Variants in ARHGEF10 observed in about 807,000 individuals in gnomAD.
The protein encoded by ARHGEF10 is Rho guanine nucleotide exchange factor (GEF) 10.
A neutral mutation model predicts 147.4 loss-of-function variants in ARHGEF10; 140 were observed. The ratio of observed to expected loss-of-function variants is 0.95; its 90% CI spans 0.83 to 1.09. The LOEUF is 1.09. Among genes scored for constraint, ARHGEF10 ranks in the 50% least tolerant of loss-of-function variants. The probability of loss-of-function intolerance (pLI) is 0.00; values close to 1 mark genes in which losing one functional copy is unlikely to be tolerated. For missense variants in ARHGEF10, 2,222 were observed against 1,752.7 expected, an observed-to-expected ratio of 1.27 and a Z score of -4.78; for synonymous variants, 902 against 695.8, an observed-to-expected ratio of 1.30 and a Z score of -4.67.
intron 1 of ARHGEF10, among the ~76,000 whole-genome samples, chr8:1,833,508 C>T (rs1176949533): frequency 2.6e-5 from 4 of 152,166 alleles, no homozygotes; most frequent in African/African-American, 9.7e-5. Flanking sequence ...CCTTCAGCCG[C>T]TGCCACTGCA....
At chr8:1,862,533 G>C (rs1275383512) in intron 4 of ARHGEF10, among the ~76,000 whole-genome samples, 3 of 152,252 alleles carry the variant, frequency 2.0e-5, no homozygotes, top group Non-Finnish European at 2.9e-5. Context: ...GACAGACTCA[G>C]TTTGCACCTT....
intron 17 of ARHGEF10, among the ~76,000 whole-genome samples, chr8:1,906,790 T>C (rs1372193680): frequency 6.6e-6 from 1 of 152,212 alleles, no homozygotes; most frequent in Non-Finnish European, 1.5e-5. Flanking sequence ...GCGAGAACGT[T>C]CATTAAGCTG....
chr8:1,922,709 G>A (rs1812390405), intron 18 of ARHGEF10, among the ~76,000 whole-genome samples: 1 of 152,176 alleles, frequency 6.6e-6, no homozygotes, highest in Non-Finnish European at 1.5e-5. Flanking sequence ...TGCGTCAGAT[G>A]TTATCCTCTG....
intron 2 of ARHGEF10, among the ~76,000 whole-genome samples, chr8:1,848,199 A>G (rs55822737): frequency 0.13 from 20,430 of 152,260 alleles, 1,680 homozygotes; most frequent in African/African-American, 0.23. Context: ...TCTCTTCAGT[A>G]TCTCTGTAAA....
chr8:1,945,919 G>GCTGGGAGGAGCCGCGTGCTGGGAGGA, intron 27 of ARHGEF10: 1 of 615,822 alleles, frequency 1.6e-6, no homozygotes, highest in Non-Finnish European at 2.9e-6. Flanking sequence ...GGAGCCGCGT[G>GCTGGGAGGAGCCGCGTGCTGGGAGGA]GCAGTGCCAT....
intron 15 of ARHGEF10, among the ~76,000 whole-genome samples, chr8:1,902,110 G>A (rs552486313): frequency 2.8e-4 from 43 of 152,058 alleles, no homozygotes; most frequent in Non-Finnish European, 4.7e-4. Flanking sequence ...TTTAAGCCCC[G>A]CGTGCATTAG....
At chr8:1,839,191 A>G (rs987432578) in intron 1 of ARHGEF10, among the ~76,000 whole-genome samples, 647 of 55,132 alleles carry the variant, frequency 0.012, no homozygotes, top group Middle Eastern at 0.021. Flanking sequence ...GGACTGTCTG[A>G]TGTGGGGACT....
intron 27 of ARHGEF10, chr8:1,945,873 A>AAGGAGCCGCGTGCTGGC: frequency 1.6e-6 from 1 of 612,272 alleles, no homozygotes; most frequent in Non-Finnish European, 2.8e-6. Context: ...ACAGGTCCTG[A>AAGGAGCCGCGTGCTGGC]AGGAGCCGCG....
At chr8:1,823,422 G>A (rs567029860), upstream of ARHGEF10, among the ~76,000 whole-genome samples, 152 of 151,102 alleles carry the variant, frequency 1.0e-3, no homozygotes, top group Admixed American at 4.2e-3. Flanking sequence ...GGCGCACCCC[G>A]GGTGTCCGCA....
intron 18 of ARHGEF10, among the ~76,000 whole-genome samples, chr8:1,916,461 G>C (rs946109888): frequency 6.6e-6 from 1 of 152,170 alleles, no homozygotes; most frequent in African/African-American, 2.4e-5. Context: ...TAAAATGCTT[G>C]GGTTTTGTTA....
chr8:1,906,759 C>T (rs576607305), intron 17 of ARHGEF10, among the ~76,000 whole-genome samples: 3 of 152,258 alleles, frequency 2.0e-5, no homozygotes, highest in Non-Finnish European at 2.9e-5. Flanking sequence ...TACGCTCTTG[C>T]GGGTCTCTTC....
At chr8:1,931,701 CT>C (rs990434918) in intron 25 of ARHGEF10, among the ~76,000 whole-genome samples, 1 of 152,208 alleles carries the variant, frequency 6.6e-6, no homozygotes, top group African/African-American at 2.4e-5. Flanking sequence ...GAGCTCTGAG[CT>C]TTCAAGGGAC....
Position 1,848,218 on chromosome 8 carries a change from C to T in ARHGEF10, c.37+4782C>T, listed in dbSNP as rs544618555. Among the ~76,000 whole-genome samples, 299 of 152,348 alleles carry T rather than the reference C, an allele frequency of 2.0e-3. 4 individuals are homozygous for T. Among genetic ancestry groups the T allele is most frequent in the African/African-American group, 6.7e-3 (280 of 41,574 alleles). On this transcript the variant is annotated intron_variant, in intron 2 of 28. Coordinates refer to ENST00000349830, the MANE Select transcript of ARHGEF10 (RefSeq NM_014629.4). ...TTCAGTATCTCTGTAAAAAGAGGTA[C>T]GCGGGGTCCTCCGTCTTAGTCCTCA...
intron 3 of ARHGEF10, among the ~76,000 whole-genome samples, chr8:1,858,979 G>A (rs950934885): frequency 7.3e-5 from 11 of 151,348 alleles, no homozygotes; most frequent in Admixed American, 1.3e-4. Context: ...CCAGCCTCTC[G>A]GTTCTTTGCA....
intron 1 of ARHGEF10, among the ~76,000 whole-genome samples, chr8:1,839,764 TGG>T (rs1260983767): frequency 1.8e-4 from 26 of 145,006 alleles, no homozygotes; most frequent in African/African-American, 4.9e-4. Flanking sequence ...CTGTCTGGTG[TGG>T]GGACTGTCTG....
chr8:1,901,749 G>A (rs1810481115), intron 15 of ARHGEF10, among the ~76,000 whole-genome samples: 1 of 152,184 alleles, frequency 6.6e-6, no homozygotes, highest in African/African-American at 2.4e-5. Flanking sequence ...TGTGGGTTTG[G>A]TGCAGAACTA....
intron 27 of ARHGEF10, 136 bp downstream of exon 27, chr8:1,945,791 G>A: frequency 1.5e-6 from 2 of 1,335,336 alleles, no homozygotes; most frequent in Non-Finnish European, 2.1e-6. Flanking sequence ...TAATGGGGTG[G>A]GACAAGGCCC....
Position 1,936,228 on chromosome 8 carries a change from C to T in ARHGEF10, c.3222+2286C>T, listed in dbSNP as rs376055445. Among the ~76,000 whole-genome samples the T allele has an allele frequency of 2.7e-4, 41 of 152,288 alleles. 1 individual carries two copies. The South Asian group carries it at 7.7e-3, about 28-fold the overall frequency. On this transcript the variant is annotated intron_variant, in intron 26 of 28. Coordinates refer to ENST00000349830, the MANE Select transcript of ARHGEF10 (RefSeq NM_014629.4). Reference sequence around the variant, plus strand: ...TGGACCAACTCATCATTAAAAATTCCTCTGGGCCGGGCACAGCGGCTCACA... The same window carrying T: ...TGGACCAACTCATCATTAAAAATTCTTCTGGGCCGGGCACAGCGGCTCACA...
intron 1 of ARHGEF10, among the ~76,000 whole-genome samples, chr8:1,833,828 G>A (rs1347446935): frequency 6.6e-6 from 1 of 152,218 alleles, no homozygotes; most frequent in African/African-American, 2.4e-5. Context: ...GCTTCCCTGG[G>A]AGGGAGTCTT....
Sources: gnomAD v4.1 joint callset for allele counts (sites outside exome capture counted in the v4.1 genomes callset) on GRCh38, gnomAD v4.1.1 for gene constraint, MANE v1.5 for transcripts, NCBI Gene and HGNC (gene_info 2026-07-23, HGNC 2026-07-21) for gene names.